The following SLX4IP variants were observed in gnomAD, a reference collection of about 807,000 sequenced individuals.
The protein encoded by SLX4IP is protein SLX4IP.
SLX4IP carries 34 observed loss-of-function variants against 32.9 expected under a neutral mutation model. The observed-to-expected ratio is 1.03, with a 90% CI of 0.79 to 1.38. The LOEUF is 1.38. Among genes scored for constraint, SLX4IP ranks in the 40% most tolerant of loss-of-function variants. SLX4IP has a pLI of 0.00. For synonymous variants in SLX4IP, 172 were observed against 171.7 expected, an observed-to-expected ratio of 1.00 and a Z score of -0.01; for missense variants, 444 against 479.0, an observed-to-expected ratio of 0.93 and a Z score of 0.68.
intron 6 of SLX4IP, among the ~76,000 whole-genome samples, chr20:10,608,068 G>T (rs1045404644): frequency 6.6e-6 from 1 of 152,172 alleles, no homozygotes; most frequent in Non-Finnish European, 1.5e-5. Flanking sequence ...ATCCTTTGTG[G>T]TTTTTTTCTC....
intron 2 of SLX4IP, among the ~76,000 whole-genome samples, chr20:10,527,780 T>G (rs2065951908): frequency 6.6e-6 from 1 of 152,224 alleles, no homozygotes; most frequent in Non-Finnish European, 1.5e-5. Context: ...TTTGGATAAA[T>G]TGTGATTGCT....
At chr20:10,516,189 C>T (rs914400199) in intron 2 of SLX4IP, among the ~76,000 whole-genome samples, 5 of 152,146 alleles carry the variant, frequency 3.3e-5, no homozygotes, top group Admixed American at 1.3e-4. Flanking sequence ...TGCCTGGCCT[C>T]GTGAGGCTAT....
chr20:10,440,872 C>T (rs917722491), intron 1 of SLX4IP, among the ~76,000 whole-genome samples: 8 of 152,204 alleles, frequency 5.3e-5, no homozygotes, highest in African/African-American at 1.9e-4. Flanking sequence ...GGAATGATTC[C>T]GTTTAAGACA....
chr20:10,574,087 C>A (rs2066496161), intron 4 of SLX4IP, among the ~76,000 whole-genome samples: 1 of 152,220 alleles, frequency 6.6e-6, no homozygotes, highest in African/African-American at 2.4e-5. Context: ...TCTCTAACCA[C>A]TTATTACAGT....
intron 5 of SLX4IP, among the ~76,000 whole-genome samples, chr20:10,600,065 G>A (rs952180045): frequency 7.9e-5 from 12 of 151,578 alleles, no homozygotes; most frequent in Non-Finnish European, 1.5e-4. Context: ...GGGGGGAGGT[G>A]GAAAAATAAT....
rs571897313 is a variant in SLX4IP at position 10,467,151 on chromosome 20, T to C, written c.27+8920T>C. Among the ~76,000 whole-genome samples, 613 of 152,364 alleles carry C rather than the reference T, an allele frequency of 4.0e-3. 14 individuals carry two copies. The South Asian group carries it at 0.066, about 16-fold the overall frequency. On this transcript the variant is annotated intron_variant, in intron 2 of 7. Coordinates refer to ENST00000334534, the MANE Select transcript of SLX4IP (RefSeq NM_001009608.3). ...AAGGAATCACTTAAATCCTGTGTCC[T>C]AGGTTTTTTCGTCTACTTAAATGGG...
intron 4 of SLX4IP, among the ~76,000 whole-genome samples, chr20:10,588,027 A>G (rs1568756914): frequency 1.3e-5 from 2 of 152,148 alleles, no homozygotes; most frequent in Non-Finnish European, 1.5e-5. Flanking sequence ...AACAATCAAC[A>G]AAATGAAAAG....
chr20:10,474,417 G>A (rs2065455996), intron 2 of SLX4IP, among the ~76,000 whole-genome samples: 1 of 152,230 alleles, frequency 6.6e-6, no homozygotes, highest in African/African-American at 2.4e-5. Context: ...CTTCGTGGGA[G>A]TCATTAATGC....
intron 2 of SLX4IP, among the ~76,000 whole-genome samples, chr20:10,526,401 C>T (rs1188068545): frequency 6.6e-6 from 1 of 152,164 alleles, no homozygotes; most frequent in Non-Finnish European, 1.5e-5. Flanking sequence ...CTGTCATGAT[C>T]CTTTTTGGGA....
chr20:10,525,504 C>T (rs34516932), intron 2 of SLX4IP, among the ~76,000 whole-genome samples: 31,261 of 151,976 alleles, frequency 0.21, 3,307 homozygotes, highest in South Asian at 0.38. Context: ...GTATTTTTAC[C>T]GCTTAGCCGA....
chr20:10,559,035 G>A (rs2066301476), intron 3 of SLX4IP, among the ~76,000 whole-genome samples: 1 of 152,020 alleles, frequency 6.6e-6, no homozygotes, highest in African/African-American at 2.4e-5. Context: ...CCAAATTTTA[G>A]CAATCCTTGT....
At chr20:10,537,003 C>T (rs1217483899) in intron 2 of SLX4IP, among the ~76,000 whole-genome samples, 1 of 152,182 alleles carries the variant, frequency 6.6e-6, no homozygotes, top group Non-Finnish European at 1.5e-5. Context: ...TTGATAATGG[C>T]AGCAAATGCA....
chr20:10,567,533 C>CT (rs1002108575), intron 4 of SLX4IP, among the ~76,000 whole-genome samples: 5 of 152,152 alleles, frequency 3.3e-5, no homozygotes, highest in African/African-American at 1.2e-4. Flanking sequence ...TGATCTTGGA[C>CT]TTCTCATCCT....
intron 2 of SLX4IP, among the ~76,000 whole-genome samples, chr20:10,498,474 A>G (rs949205264): frequency 1.3e-5 from 2 of 152,008 alleles, no homozygotes; most frequent in Admixed American, 6.6e-5. Flanking sequence ...GTTCTGTGGT[A>G]TCTACCCTGC....
chr20:10,544,021 T>C (rs1000842974), intron 2 of SLX4IP, among the ~76,000 whole-genome samples: 6 of 152,206 alleles, frequency 3.9e-5, no homozygotes, highest in Admixed American at 3.9e-4. Context: ...TGCAGCATCA[T>C]TTCTGTCTCT....
intron 2 of SLX4IP, among the ~76,000 whole-genome samples, chr20:10,474,365 A>G (rs1434914372): frequency 2.0e-5 from 3 of 152,250 alleles, no homozygotes; most frequent in Admixed American, 6.5e-5. Context: ...TAATATTGAG[A>G]GATCACATAA....
At chr20:10,592,433 C>T (rs1217900395) in intron 4 of SLX4IP, among the ~76,000 whole-genome samples, 2 of 151,838 alleles carry the variant, frequency 1.3e-5, no homozygotes, top group East Asian at 1.9e-4. Context: ...TTCATAGGCC[C>T]CATCTCATAC....
chr20:10,475,409 C>T (rs769444289), intron 2 of SLX4IP, among the ~76,000 whole-genome samples: 11 of 152,186 alleles, frequency 7.2e-5, no homozygotes, highest in East Asian at 1.9e-4. Flanking sequence ...GTAACACCCA[C>T]GCAAACTACT....
chr20:10,475,366 G>T (rs1023795934), intron 2 of SLX4IP, among the ~76,000 whole-genome samples: 2 of 152,220 alleles, frequency 1.3e-5, no homozygotes, highest in African/African-American at 4.8e-5. Context: ...GCTTAGACTA[G>T]CGTAACTGCT....
Sources: gnomAD v4.1 joint callset for allele counts (sites outside exome capture counted in the v4.1 genomes callset) on GRCh38, gnomAD v4.1.1 for gene constraint, MANE v1.5 for transcripts, NCBI Gene and HGNC (gene_info 2026-07-23, HGNC 2026-07-21) for gene names.